PER1: variants seen among roughly 807,000 people sequenced by gnomAD.
PER1 encodes the protein period circadian protein homolog 1.
PER1 carries 87 observed loss-of-function variants against 125.9 expected under a neutral mutation model. The ratio of observed to expected loss-of-function variants is 0.69; its 90% CI spans 0.58 to 0.83. The LOEUF (loss-of-function observed/expected upper bound fraction) is 0.83, where lower values mean the gene tolerates loss of function less well. Among genes scored for constraint, PER1 ranks in the 40% least tolerant of loss-of-function variants. PER1 has a pLI of 0.00. For synonymous variants in PER1, 801 were observed against 714.7 expected (o/e 1.12, Z -1.93); for missense variants, 1,775 against 1,722.8 (o/e 1.03, Z -0.54).
Position 8,146,569 on chromosome 17 carries a change from G to A in PER1, c.1907+25C>T. 1.9e-6 allele frequency: 3 copies of A among 1,602,814 alleles called. No homozygotes were observed. The South Asian group carries it at 3.3e-5, about 18-fold the overall frequency. On this transcript the variant is annotated intron_variant, in intron 15 of 22. Coordinates refer to ENST00000317276, the MANE Select transcript of PER1 (RefSeq NM_002616.3). Reference sequence around the variant, plus strand: ...GGTGGGCAGGGTTAGAGCCCGAGGTGGAGAAGATGCCTGGCAGGCCTTACC... The same window carrying A: ...GGTGGGCAGGGTTAGAGCCCGAGGTAGAGAAGATGCCTGGCAGGCCTTACC...
At chr17:8,147,155 G>A in intron 13 of PER1, 95 bp downstream of exon 13, 1 of 1,485,922 alleles carries the variant, frequency 6.7e-7, no homozygotes, top group Non-Finnish European at 9.1e-7. Context: ...AGAGGGCAAA[G>A]GAGGATCGGG....
chr17:8,150,840 C>A lies in PER1; in HGVS notation c.-134G>T. The A allele has an allele frequency of 1.3e-6, 1 of 783,882 alleles. No individual in the cohort carries two copies. The highest frequency in any genetic ancestry group is 2.0e-6 in the Non-Finnish European group (1 of 512,256). 48.6% of individuals were successfully genotyped at this position (783,882 alleles called of 1,614,324 possible). A position where few individuals can be genotyped will look rare whatever the true frequency, so the allele number is the denominator to read the frequency against. ...GAGGGTTGAGAAGTTCGATCACAGC[C>A]AGTACCTGGAGAGGGAGACCAGGAA... On this transcript the variant is annotated 5_prime_UTR_variant, in exon 2 of 23. Coordinates refer to ENST00000317276, the MANE Select transcript of PER1 (RefSeq NM_002616.3).
rs543234692 is a variant in PER1, at chr17:8,146,903, G to C, written c.1729C>G (p.Leu577Val). 6.2e-7 allele frequency: 1 copy of C among 1,613,750 alleles called. No homozygotes were observed. Among genetic ancestry groups the C allele is most frequent in the South Asian group, 1.1e-5 (1 of 91,042 alleles). The change falls in exon 14 of 23, where the codon CTC (leucine) becomes GTC (valine). Residue 577 changes from leucine (L) to valine (V), a missense_variant. Transcript: ENST00000317276. ...SRARPQSRPR[L>V]PATGTFKAKA... is the part of the protein sequence containing the mutation. ...CACATCATCATCAACTCACCAGGGAGGCGGGGCCGGGACTGAGGCCGGGCC... is the reference window on the plus strand; with the variant it reads ...CACATCATCATCAACTCACCAGGGACGCGGGGCCGGGACTGAGGCCGGGCC...
chr17:8,142,112 G>A, intron 21 of PER1, 157 bp from the exon 22 acceptor site: 2 of 1,151,866 alleles, frequency 1.7e-6, no homozygotes, highest in Non-Finnish European at 2.5e-6. Context: ...CAGGAAACCT[G>A]CTCTCCTCCT....
intron 10 of PER1, 66 bp from the exon 11 acceptor site, chr17:8,147,893 C>G: frequency 1.3e-6 from 2 of 1,596,118 alleles, no homozygotes; most frequent in East Asian, 4.5e-5. Context: ...GAGGCCATGC[C>G]ACTAGAGATC....
chr17:8,148,783 T>C lies in PER1; in HGVS notation c.909A>G (p.Gly303=). The C allele has an allele frequency of 4.3e-6, 7 of 1,613,124 alleles. No homozygotes were observed. Among genetic ancestry groups the C allele is most frequent in the Non-Finnish European group, 5.9e-6 (7 of 1,179,680 alleles). ...GAGGCCCTGGATCCCGGTCAGGACCTCCTCTAGCAAAGGAGAGAGGAGCAT... is the reference window on the plus strand; with the variant it reads ...GAGGCCCTGGATCCCGGTCAGGACCCCCTCTAGCAAAGGAGAGAGGAGCAT... ...QEKSVFCRIR[G]GPDRDPGPRY... The change falls in exon 8 of 23, where the codon GGA becomes GGG. Residue 303 remains glycine, a synonymous_variant. Transcript: ENST00000317276.
rs1455676585 is a variant in PER1 at position 8,144,667 on chromosome 17, A to C, written c.2461+84T>G. 6 of 1,516,786 alleles carry C rather than the reference A, an allele frequency of 4.0e-6. No homozygotes were observed. In the East Asian group the frequency reaches 1.2e-4, roughly 31 times the overall value. 94.0% of individuals were successfully genotyped at this position (1,516,786 alleles called of 1,614,324 possible). On this transcript the variant is annotated intron_variant, in intron 18 of 22. Transcript: ENST00000317276. ...ACACCAGCCTGGGTCCCTGGAGCAG[A>C]AACACCTCCCTTAAGACCCACCCCC...
rs1462049611 is a variant in PER1 at position 8,149,553 on chromosome 17, G to A, written c.762C>T (p.Phe254=). 2 of 1,613,976 alleles carry A rather than the reference G, an allele frequency of 1.2e-6. No homozygotes were observed. Among genetic ancestry groups the A allele is most frequent in the Non-Finnish European group, 1.7e-6 (2 of 1,179,988 alleles). Residue 254 remains phenylalanine (F), a synonymous_variant, in exon 6 of 23, where the codon TTC becomes TTT. Coordinates refer to ENST00000317276, the MANE Select transcript of PER1 (RefSeq NM_002616.3). Reference sequence around the variant, plus strand: ...CATCCTGGGGAGCCAGGAGCTCAGAGAAGCGGGTACCCCGGAACACGTCCC... The same window carrying A: ...CATCCTGGGGAGCCAGGAGCTCAGAAAAGCGGGTACCCCGGAACACGTCCC... ...CKRDVFRGTR[F]SELLAPQDVG...
rs748581777 is a variant in PER1 at position 8,147,276 on chromosome 17, C to T, written c.1603G>A (p.Ala535Thr). ...GSSSDSNGGDAEGPGPPAPVT... is the reference protein window; with the variant it reads ...GSSSDSNGGDTEGPGPPAPVT... Reference sequence around the variant, plus strand: ...GGCGCAGGAGGCCCAGGCCCCTCTGCATCACCCCCGTTGCTATCACTGGAG... The same window carrying T: ...GGCGCAGGAGGCCCAGGCCCCTCTGTATCACCCCCGTTGCTATCACTGGAG... Residue 535 changes from alanine to threonine, a missense_variant, in exon 13 of 23, where the codon GCA (alanine) becomes ACA (threonine). Ala to Thr is a moderately conservative substitution (Grantham distance 58). Transcript: ENST00000317276. 2.5e-6 allele frequency: 4 copies of T among 1,612,264 alleles called. No homozygotes were observed. The highest frequency in any genetic ancestry group is 2.2e-5 in the East Asian group (1 of 44,814).
At chr17:8,145,906 A>G (rs1383717972) in intron 17 of PER1, 52 bp downstream of exon 17, 40 of 1,535,078 alleles carry the variant, frequency 2.6e-5, no homozygotes, top group Non-Finnish European at 3.2e-5. Context: ...AGGGAGCTCT[A>G]GCTGGGAGAC....
At position 8,141,051 on chromosome 17, in the gene PER1, T is replaced by C. The variant is rs758770438; in HGVS notation, c.*17A>G. 1 of 1,600,014 alleles carries C rather than the reference T, an allele frequency of 6.2e-7. No individual in the cohort carries two copies. The highest frequency in any genetic ancestry group is 8.5e-7 in the Non-Finnish European group (1 of 1,170,902). ...AAAGCCTCTCATGGACTCCTGGAGA[T>C]GGTCCCAGAATGGAGTCTAGCTGGT... On this transcript the variant is annotated 3_prime_UTR_variant, in exon 23 of 23. Coordinates refer to ENST00000317276, the MANE Select transcript of PER1 (RefSeq NM_002616.3).
rs1319610865 is a variant in PER1, at chr17:8,147,704, G to A, written c.1358C>T (p.Ala453Val). Residue 453 changes from alanine to valine, a missense_variant, in exon 11 of 23, where the codon GCC becomes GTC. Transcript: ENST00000317276. The stretch of plus-strand genomic sequence containing the variant: ...TACTTTGTGGCGGCCCAACACGAAG[G>A]CTACCTTGCGGCTCCAGGGGTGCAC... Reference protein sequence around the residue: ...GFVHPWSRKVAFVLGRHKVRT... With the variant: ...GFVHPWSRKVVFVLGRHKVRT... The A allele has an allele frequency of 1.2e-6, 2 of 1,613,952 alleles. No individual in the cohort carries two copies. The highest frequency in any genetic ancestry group is 4.5e-5 in the East Asian group (2 of 44,888).
chr17:8,145,325 T>TTTC (rs34562622), intron 17 of PER1, among the ~76,000 whole-genome samples: 4 of 14,622 alleles, frequency 2.7e-4, no homozygotes, highest in Non-Finnish European at 4.6e-4. Context: ...TTCTTGTTTC[T>TTTC]TTTTTTTTTT....
chr17:8,146,113 C>G lies in PER1; in HGVS notation c.2063G>C (p.Gly688Ala). Residue 688 changes from glycine (G) to alanine (A), a missense_variant, in exon 17 of 23, where the codon GGG (glycine) becomes GCG (alanine). Gly to Ala is a moderately conservative substitution (Grantham distance 60). Transcript: ENST00000317276. Reference protein sequence around the residue: ...KKDPPSAALSGEGATPRKEPV... With the variant: ...KKDPPSAALSAEGATPRKEPV... Reference sequence around the variant, plus strand: ...CTCCTTCCGTGGGGTGGCCCCCTCCCCAGACAGCGCTGCTGACGGCGGATC... The same window carrying G: ...CTCCTTCCGTGGGGTGGCCCCCTCCGCAGACAGCGCTGCTGACGGCGGATC... 1 of 1,609,100 alleles carries G rather than the reference C, an allele frequency of 6.2e-7. No homozygotes were observed.
Position 8,146,058 on chromosome 17 carries a change from G to T in PER1, c.2118C>A (p.Leu706=). The T allele has an allele frequency of 6.2e-7, 1 of 1,613,966 alleles. No individual in the cohort carries two copies. The highest frequency in any genetic ancestry group is 1.3e-5 in the African/African-American group (1 of 75,070). ...EPVVGGTLSP[L]ALANKAESVV... ...CACTCTCCGCCTTATTGGCCAGGGC[G>T]AGCGGGCTCAGGGTGCCTCCCACCA... The change falls in exon 17 of 23, where the codon CTC becomes CTA. Residue 706 remains leucine, a synonymous_variant. Transcript: ENST00000317276.
Position 8,142,541 on chromosome 17 carries a change from C to T in PER1, c.3260-83G>A. The stretch of plus-strand genomic sequence containing the variant: ...ACCTCACAAGGCCTCCCTCAAAGGC[C>T]ACATGTCCATCCCAGTGGCCTTAGG... On this transcript the variant is annotated intron_variant, in intron 20 of 22. Coordinates refer to ENST00000317276, the MANE Select transcript of PER1 (RefSeq NM_002616.3). 2.6e-6 allele frequency: 4 copies of T among 1,551,826 alleles called. No individual in the cohort carries two copies. The East Asian group carries it at 6.8e-5, about 26-fold the overall frequency.
intron 18 of PER1, chr17:8,144,273 CT>C: frequency 2.5e-6 from 1 of 396,834 alleles, no homozygotes. Flanking sequence ...TTCTGCCTAG[CT>C]TGCAATGGAG....
chr17:8,149,571 C>T lies in PER1; in HGVS notation c.744G>A (p.Val248=). The T allele has an allele frequency of 6.2e-7, 1 of 1,613,910 alleles. No individual in the cohort carries two copies. Among genetic ancestry groups the T allele is most frequent in the Non-Finnish European group, 8.5e-7 (1 of 1,179,934 alleles). Residue 248 remains valine, a synonymous_variant, in exon 6 of 23, where the codon GTG becomes GTA. Coordinates refer to ENST00000317276, the MANE Select transcript of PER1 (RefSeq NM_002616.3). The stretch of plus-strand genomic sequence containing the variant: ...GCTCAGAGAAGCGGGTACCCCGGAA[C>T]ACGTCCCGCTTGCAACGCAGCAGGA... ...AAVLLRCKRD[V]FRGTRFSELL...
chr17:8,144,906 G>T lies in PER1; in HGVS notation c.2306C>A (p.Ala769Asp). ...APSPTVAPDP[A>D]PDAYRPVGLT... is the part of the protein sequence containing the mutation. ...CCCCACTGGACGGTAGGCGTCTGGG[G>T]CTGGGTCAGGGGCTACTGTGGGGCT... is the stretch of plus-strand genomic sequence containing the variant. Residue 769 changes from alanine (A) to aspartate (D), a missense_variant, in exon 18 of 23, where the codon GCC becomes GAC. Physicochemically the swap from Ala to Asp is moderately radical, Grantham distance 126. Coordinates refer to ENST00000317276, the MANE Select transcript of PER1 (RefSeq NM_002616.3). 1 of 1,551,312 alleles carries T rather than the reference G, an allele frequency of 6.4e-7. No homozygotes were observed.
Sources: gnomAD v4.1 joint callset for allele counts (sites outside exome capture counted in the v4.1 genomes callset) on GRCh38, gnomAD v4.1.1 for gene constraint, MANE v1.5 for transcripts, NCBI Gene and HGNC (gene_info 2026-07-23, HGNC 2026-07-21) for gene names.